GPC6: variants seen among roughly 807,000 people sequenced by gnomAD.
The protein encoded by GPC6 is glypican-6.
Under a neutral mutation model 55.2 loss-of-function variants are expected in GPC6, and 14 were observed. The ratio of observed to expected loss-of-function variants is 0.25; its 90% CI spans 0.17 to 0.40. The LOEUF (loss-of-function observed/expected upper bound fraction) is 0.40, where lower values mean the gene tolerates loss of function less well. Among genes scored for constraint, GPC6 ranks in the 10% least tolerant of loss-of-function variants. GPC6 has a pLI of 1.00. For synonymous variants in GPC6, 278 were observed against 259.6 expected (o/e 1.07, Z -0.68); for missense variants, 641 against 708.5 (o/e 0.90, Z 1.08).
chr13:94,315,894 G>A (rs1876494136), intron 6 of GPC6, among the ~76,000 whole-genome samples: 1 of 152,182 alleles, frequency 6.6e-6, no homozygotes, highest in African/African-American at 2.4e-5. Flanking sequence ...GCCCAGGATG[G>A]CTTTGAATGC....
At chr13:94,393,531 T>C (rs1880760758) in intron 7 of GPC6, among the ~76,000 whole-genome samples, 1 of 152,288 alleles carries the variant, frequency 6.6e-6, no homozygotes, top group Non-Finnish European at 1.5e-5. Flanking sequence ...TGGAGCTCAT[T>C]TGTGGCAACA....
chr13:93,318,032 T>C lies in GPC6; in HGVS notation c.160+90416T>C, dbSNP rs146155716. 1.5e-3 allele frequency among the ~76,000 whole-genome samples: 223 copies of C among 152,344 alleles called. 1 individual carries two copies. The highest frequency in any genetic ancestry group is 5.0e-3 in the African/African-American group (209 of 41,588). On this transcript the variant is annotated intron_variant, in intron 1 of 8. Transcript: ENST00000377047. ...TCTGCAATGAATTCAACTCATGTTA[T>C]GTGACATTGTCATTTTACAAGGGAA... is the stretch of plus-strand genomic sequence containing the variant.
rs897211099 is a variant in GPC6, at chr13:93,941,974, A to G, written c.712-85755A>G. ...TAGTCTTTCTTTAGAGGTACCTGGT[A>G]TACAGAAATCTCTCACAACACCAGC... On this transcript the variant is annotated intron_variant, in intron 3 of 8. Coordinates refer to ENST00000377047, the MANE Select transcript of GPC6 (RefSeq NM_005708.5). Among the ~76,000 whole-genome samples, 4 of 152,154 alleles carry G rather than the reference A, an allele frequency of 2.6e-5. No homozygotes were observed. The East Asian group carries it at 5.8e-4, about 22-fold the overall frequency.
At chr13:94,153,142 GA>G (rs1887805070) in intron 4 of GPC6, among the ~76,000 whole-genome samples, 1 of 152,078 alleles carries the variant, frequency 6.6e-6, no homozygotes, top group Non-Finnish European at 1.5e-5. Context: ...GGAGGCACAG[GA>G]GAATTTAATG....
chr13:93,914,891 A>C (rs144667008), intron 3 of GPC6, among the ~76,000 whole-genome samples: 9 of 152,336 alleles, frequency 5.9e-5, no homozygotes, highest in Non-Finnish European at 5.9e-5. Context: ...CTAATAATTC[A>C]AGAATTTGAA....
intron 6 of GPC6, among the ~76,000 whole-genome samples, chr13:94,314,980 T>C (rs1051487631): frequency 1.2e-4 from 18 of 152,220 alleles, no homozygotes; most frequent in African/African-American, 4.1e-4. Context: ...GAGTGAAAAT[T>C]GACTTCCCTT....
chr13:93,220,199 A>G, the GPC6 span, among the ~76,000 whole-genome samples: 1 of 152,238 alleles, frequency 6.6e-6, no homozygotes, highest in African/African-American at 2.4e-5. Context: ...CATTGACGAA[A>G]GTTAGCATCA....
intron 1 of GPC6, among the ~76,000 whole-genome samples, chr13:93,433,668 A>T (rs943112056): frequency 2.6e-5 from 4 of 152,200 alleles, no homozygotes; most frequent in Admixed American, 2.6e-4. Context: ...AACCTTGCTA[A>T]CATTGAATAA....
rs71202577 is a variant in GPC6 at position 93,295,109 on chromosome 13, C to CAA, written c.160+67516_160+67517dup. Among the ~76,000 whole-genome samples the CAA allele has an allele frequency of 6.2e-3, 382 of 61,750 alleles. 10 individuals are homozygous for CAA. The highest frequency in any genetic ancestry group is 0.01 in the Middle Eastern group (1 of 96). 40.5% of individuals were successfully genotyped at this position (61,750 alleles called of 152,430 possible). ...TGATTATGAGGAAACTCTGTCTCTG[C>CAA]AAAAAAAAAAAAAAAAAAAAAAAAT... On this transcript the variant is annotated intron_variant, in intron 1 of 8. Transcript: ENST00000377047.
chr13:93,416,815 A>C (rs1241576913), intron 1 of GPC6, among the ~76,000 whole-genome samples: 2 of 152,024 alleles, frequency 1.3e-5, no homozygotes, highest in African/African-American at 2.4e-5. Flanking sequence ...CTGTTATTAT[A>C]GAAAAAAACA....
chr13:94,055,377 G>T (rs1420962352), intron 4 of GPC6, among the ~76,000 whole-genome samples: 1 of 152,058 alleles, frequency 6.6e-6, no homozygotes, highest in African/African-American at 2.4e-5. Flanking sequence ...GATAGCACTG[G>T]CCAAAAATCC....
chr13:93,301,283 C>T (rs371903476), intron 1 of GPC6, among the ~76,000 whole-genome samples: 80 of 152,280 alleles, frequency 5.3e-4, no homozygotes, highest in African/African-American at 1.8e-3. Context: ...ATTGATGGCT[C>T]ATGTCCTAAA....
chr13:93,637,965 TGG>T (rs1203132428), intron 2 of GPC6, among the ~76,000 whole-genome samples: 4 of 152,086 alleles, frequency 2.6e-5, no homozygotes, highest in Non-Finnish European at 5.9e-5. Context: ...TTATGCAAGA[TGG>T]AGTACTCACC....
intron 2 of GPC6, among the ~76,000 whole-genome samples, chr13:93,554,157 A>AG (rs1181477116): frequency 2.6e-5 from 4 of 151,016 alleles, no homozygotes; most frequent in Admixed American, 6.6e-5. Flanking sequence ...AAAAAAAAAA[A>AG]AGAGAGAGAG....
At chr13:94,126,013 T>G (rs1483046226) in intron 4 of GPC6, among the ~76,000 whole-genome samples, 1 of 152,094 alleles carries the variant, frequency 6.6e-6, no homozygotes, top group African/African-American at 2.4e-5. Context: ...ATGGAAAATT[T>G]TAAACAATTA....
At chr13:93,631,329 G>T (rs535073865) in intron 2 of GPC6, among the ~76,000 whole-genome samples, 47 of 152,268 alleles carry the variant, frequency 3.1e-4, no homozygotes, top group Admixed American at 2.2e-3. Flanking sequence ...ACTCCTCCCA[G>T]TGCAGGTCGG....
At chr13:94,276,590 C>G (rs1287270349) in intron 4 of GPC6, among the ~76,000 whole-genome samples, 1 of 152,008 alleles carries the variant, frequency 6.6e-6, no homozygotes, top group Non-Finnish European at 1.5e-5. Flanking sequence ...TAAGTTCCCA[C>G]CCCTTGCCTC....
At chr13:94,043,024 C>T (rs1214735122) in intron 4 of GPC6, among the ~76,000 whole-genome samples, 1 of 151,656 alleles carries the variant, frequency 6.6e-6, no homozygotes, top group African/African-American at 2.4e-5. Flanking sequence ...CAAATTGTTC[C>T]AGGTTTGTAC....
At chr13:93,601,860 G>A (rs1319494553) in intron 2 of GPC6, among the ~76,000 whole-genome samples, 1 of 152,232 alleles carries the variant, frequency 6.6e-6, no homozygotes, top group Non-Finnish European at 1.5e-5. Context: ...CGAGTAAACT[G>A]TATTTTAAAA....
Sources: allele counts gnomAD v4.1 joint callset (sites outside exome capture counted in the v4.1 genomes callset), GRCh38; gene constraint gnomAD v4.1.1; transcripts MANE v1.5; gene names NCBI Gene and HGNC (gene_info 2026-07-23, HGNC 2026-07-21).